FAM163B: variants seen among roughly 807,000 people sequenced by gnomAD.
The protein encoded by FAM163B is protein FAM163B.
FAM163B carries 4 observed loss-of-function variants against 7.6 expected under a neutral mutation model. The ratio of observed to expected loss-of-function variants is 0.52; its 90% CI spans 0.26 to 1.20. The LOEUF is 1.20. Among genes scored for constraint, FAM163B ranks in the 50% most tolerant of loss-of-function variants. The probability of loss-of-function intolerance (pLI) is 0.14; values close to 1 mark genes in which losing one functional copy is unlikely to be tolerated. For missense variants in FAM163B, 250 were observed against 243.0 expected, an observed-to-expected ratio of 1.03 and a Z score of -0.19; for synonymous variants, 120 against 111.6, an observed-to-expected ratio of 1.07 and a Z score of -0.47.
intron 1 of FAM163B, among the ~76,000 whole-genome samples, chr9:133,590,288 C>A (rs931413579): frequency 9.6e-6 from 1 of 103,652 alleles, no homozygotes; most frequent in Non-Finnish European, 2.2e-5. Flanking sequence ...TCTTTTCGTT[C>A]TCTTCCTCGA....
rs563791331 is a variant in FAM163B, at chr9:133,590,532, A to G, written c.-23-10286T>C. Among the ~76,000 whole-genome samples, 9 of 152,332 alleles carry G rather than the reference A, an allele frequency of 5.9e-5. No individual in the cohort carries two copies. In the East Asian group the frequency reaches 1.5e-3, roughly 26 times the overall value. On this transcript the variant is annotated intron_variant, in intron 1 of 2. Transcript: ENST00000673969. The stretch of plus-strand genomic sequence containing the variant: ...ACGGAGGCACAAAGAGGGAGGAAGC[A>G]CAGGCTTGATGCACTTCCAGGCCTT...
intron 1 of FAM163B, among the ~76,000 whole-genome samples, chr9:133,588,679 A>AAGGAT (rs1831487661): frequency 4.8e-5 from 1 of 21,008 alleles, no homozygotes; most frequent in African/African-American, 1.6e-4. Flanking sequence ...GATCTAGCAT[A>AAGGAT]CTGAGAGATC....
chr9:133,607,633 G>A (rs968879541), intron 1 of FAM163B, among the ~76,000 whole-genome samples: 2 of 152,202 alleles, frequency 1.3e-5, no homozygotes, highest in Admixed American at 6.5e-5. Context: ...TTCCGGCTGA[G>A]TCTAGACAAG....
At chr9:133,593,511 A>G (rs780809661) in intron 1 of FAM163B, among the ~76,000 whole-genome samples, 1 of 151,090 alleles carries the variant, frequency 6.6e-6, no homozygotes, top group Non-Finnish European at 1.5e-5. Context: ...TGTTGCTATC[A>G]CCTCTCCCTC....
At chr9:133,588,651 G>A (rs372668013) in intron 1 of FAM163B, among the ~76,000 whole-genome samples, 4 of 9,244 alleles carry the variant, frequency 4.3e-4, no homozygotes, top group South Asian at 3.0e-3. Flanking sequence ...GCAGGTTGAA[G>A]GATCTAGCAT....
At chr9:133,581,494 T>TA (rs1194671596) in intron 1 of FAM163B, among the ~76,000 whole-genome samples, 1 of 152,148 alleles carries the variant, frequency 6.6e-6, no homozygotes, top group Non-Finnish European at 1.5e-5. Context: ...AGGAGGATTT[T>TA]AAAAAAATTA....
intron 1 of FAM163B, among the ~76,000 whole-genome samples, chr9:133,587,982 G>A (rs1831467058): frequency 6.6e-6 from 1 of 151,164 alleles, no homozygotes; most frequent in Non-Finnish European, 1.5e-5. Context: ...GGGCGAGCCT[G>A]GGAGGGGAGG....
In FAM163B at chr9:133,579,044, C is replaced by A. The variant is rs954229404; in HGVS notation, c.479G>T (p.Arg160Leu). Residue 160 changes from arginine (R) to leucine (L), a missense_variant, in exon 3 of 3, where the codon CGC becomes CTC. Physicochemically the swap from Arg to Leu is moderately radical, Grantham distance 102. Transcript: ENST00000673969. ...SAMREAFARSRSISTDV is the reference protein window; with the variant it reads ...SAMREAFARSLSISTDV The stretch of plus-strand genomic sequence containing the variant: ...AGGTCACACGTCGGTGCTGATGCTG[C>A]GGCTCCTGGCGAAGGCCTCCCGCAT... 1.3e-6 allele frequency: 2 copies of A among 1,561,166 alleles called. No homozygotes were observed. Among genetic ancestry groups the A allele is most frequent in the Admixed American group, 1.9e-5 (1 of 53,162 alleles).
chr9:133,590,296 C>T (rs946203960), intron 1 of FAM163B, among the ~76,000 whole-genome samples: 1 of 150,060 alleles, frequency 6.7e-6, no homozygotes, highest in Admixed American at 6.6e-5. Context: ...TTCTCTTCCT[C>T]GAACTGAGCC....
chr9:133,590,314 T>C (rs562028871), intron 1 of FAM163B, among the ~76,000 whole-genome samples: 1 of 150,718 alleles, frequency 6.6e-6, no homozygotes, highest in South Asian at 2.1e-4. Flanking sequence ...GCCCAGCTCC[T>C]GGTCCCAGTT....
chr9:133,605,125 T>G (rs549481144), intron 1 of FAM163B, among the ~76,000 whole-genome samples: 48 of 152,240 alleles, frequency 3.2e-4, no homozygotes, highest in Admixed American at 2.6e-3. Context: ...AGCCAGGAAG[T>G]GAGCACGGGT....
chr9:133,596,612 A>G (rs1588331392), intron 1 of FAM163B, among the ~76,000 whole-genome samples: 2 of 152,156 alleles, frequency 1.3e-5, no homozygotes, highest in Admixed American at 1.3e-4. Context: ...GCTATGGTGC[A>G]GGGAGCTCAG....
chr9:133,587,380 G>A (rs999645821), intron 1 of FAM163B, among the ~76,000 whole-genome samples: 3 of 152,222 alleles, frequency 2.0e-5, no homozygotes, highest in South Asian at 2.1e-4. Context: ...CAGGAAGCAC[G>A]AAGCTGAAAG....
At position 133,579,082 on chromosome 9, in the gene FAM163B, G is replaced by A. The variant is rs1351427162; in HGVS notation, c.441C>T (p.Asn147=). ...GFGGLQALNP[N]RLSAMREAFA... ...AGGCCTCCCGCATGGCTGAGAGGCG[G>A]TTGGGGTTGAGCGCCTGCAGGCCCC... The change falls in exon 3 of 3, where the codon AAC becomes AAT. Residue 147 remains asparagine, a synonymous_variant. Transcript: ENST00000673969. 1.3e-6 allele frequency: 2 copies of A among 1,592,040 alleles called. No homozygotes were observed. The highest frequency in any genetic ancestry group is 1.1e-5 in the South Asian group (1 of 89,262).
intron 1 of FAM163B, among the ~76,000 whole-genome samples, chr9:133,605,027 A>G (rs1831773009): frequency 6.6e-6 from 1 of 152,232 alleles, no homozygotes. Flanking sequence ...CACTGAGGTC[A>G]GGAGCCAAGG....
At position 133,589,127 on chromosome 9, in the gene FAM163B, G is replaced by C. The variant is rs925600910; in HGVS notation, c.-23-8881C>G. 5.3e-5 allele frequency among the ~76,000 whole-genome samples: 8 copies of C among 152,280 alleles called. 1 individual carries two copies. The South Asian group carries it at 1.7e-3, about 32-fold the overall frequency. On this transcript the variant is annotated intron_variant, in intron 1 of 2. Coordinates refer to ENST00000673969, the MANE Select transcript of FAM163B (RefSeq NM_001080515.3). ...CCCCTGGGAAATCCCGTGAGCTGGG[G>C]CTCCTGCCCGTGCCATCCTGTGTTG...
chr9:133,584,057 C>T (rs1049343756), intron 1 of FAM163B, among the ~76,000 whole-genome samples: 1 of 145,662 alleles, frequency 6.9e-6, no homozygotes, highest in African/African-American at 2.6e-5. Context: ...ATCCCCCCCC[C>T]GGACCTACCA....
At position 133,586,987 on chromosome 9, in the gene FAM163B, A is replaced by G. The variant is rs930729627; in HGVS notation, c.-23-6741T>C. 2.9e-3 allele frequency among the ~76,000 whole-genome samples: 441 copies of G among 152,308 alleles called. 1 individual carries two copies. Among genetic ancestry groups the G allele is most frequent in the African/African-American group, 0.01 (416 of 41,566 alleles). On this transcript the variant is annotated intron_variant, in intron 1 of 2. Coordinates refer to ENST00000673969, the MANE Select transcript of FAM163B (RefSeq NM_001080515.3). The stretch of plus-strand genomic sequence containing the variant: ...CTGTCCAGAGCCCACTCCCTAGGCC[A>G]TCGGGGAAGCAGGGGGTCTGACACA...
chr9:133,578,669 A>C lies in FAM163B; in HGVS notation c.*353T>G. 3.8e-6 allele frequency: 1 copy of C among 265,504 alleles called. No individual in the cohort carries two copies. Among genetic ancestry groups the C allele is most frequent in the Non-Finnish European group, 7.1e-6 (1 of 141,254 alleles). 16.4% of individuals were successfully genotyped at this position (265,504 alleles called of 1,614,324 possible). On this transcript the variant is annotated 3_prime_UTR_variant, in exon 3 of 3. Transcript: ENST00000673969. ...GGGTGAGACCCAGGGAGGGGGTGAC[A>C]CATGGAGACCTCCTGGGAAGGCCAG...
Sources: allele counts gnomAD v4.1 joint callset (sites outside exome capture counted in the v4.1 genomes callset), GRCh38; gene constraint gnomAD v4.1.1; transcripts MANE v1.5; gene names NCBI Gene and HGNC (gene_info 2026-07-23, HGNC 2026-07-21).